CELA1: variants seen among roughly 807,000 people sequenced by gnomAD.
CELA1 encodes chymotrypsin-like elastase family member 1.
In CELA1, 28 loss-of-function variants were observed where a neutral mutation model predicts 34.8. That is an observed-to-expected ratio of 0.80 (90% CI 0.60 to 1.10). The LOEUF (loss-of-function observed/expected upper bound fraction) is 1.10, where lower values mean the gene tolerates loss of function less well. CELA1 is among the 50% of genes least tolerant of loss of function. The pLI, the probability that CELA1 is intolerant of heterozygous loss-of-function variation, is 0.00. For missense variants in CELA1, 288 were observed against 327.5 expected (o/e 0.88, Z 0.93); for synonymous variants, 140 against 129.8 (o/e 1.08, Z -0.53).
At chr12:51,346,486 C>T in intron 1 of CELA1, 137 bp downstream of exon 1, 2 of 778,614 alleles carry the variant, frequency 2.6e-6, no homozygotes, top group Non-Finnish European at 4.3e-6. Context: ...TCCCACCTGC[C>T]CTGGGACAGG....
In CELA1 at chr12:51,340,054, A is replaced by G. The variant is rs748926171; in HGVS notation, c.464-49T>C. The G allele has an allele frequency of 3.3e-5, 52 of 1,562,064 alleles. 3 individuals are homozygous for G. The Middle Eastern group carries it at 7.0e-3, about 209-fold the overall frequency. On this transcript the variant is annotated intron_variant, in intron 5 of 7. Transcript: ENST00000293636. ...CAGTCAGCTCCAGATGTGGTCCAGC[A>G]GAAAAACCTTCCACCCCTGCCACAC... is the stretch of plus-strand genomic sequence containing the variant.
In CELA1 at chr12:51,329,780, A is replaced by G; in HGVS notation, c.663T>C (p.His221=). The part of the protein sequence containing the change: ...HCLVNGKYSV[H]GVTSFVSSRG... Reference sequence around the variant, plus strand: ...GGCTGGACACAAAGCTGGTCACTCCATGGACAGAATACTTGCCATTCACCA... The same window carrying G: ...GGCTGGACACAAAGCTGGTCACTCCGTGGACAGAATACTTGCCATTCACCA... The change falls in exon 7 of 8, where the codon CAT becomes CAC. Residue 221 remains histidine (H), a synonymous_variant. Transcript: ENST00000293636. The G allele has an allele frequency of 6.2e-7, 1 of 1,613,748 alleles. No individual in the cohort carries two copies. Among genetic ancestry groups the G allele is most frequent in the Non-Finnish European group, 8.5e-7 (1 of 1,179,916 alleles).
chr12:51,328,712 G>T, intron 7 of CELA1, 118 bp from the exon 8 acceptor site: 3 of 1,120,310 alleles, frequency 2.7e-6, no homozygotes, highest in South Asian at 1.3e-5. Context: ...TTGACAGGGT[G>T]TGGGGACAGG....
At chr12:51,329,545 G>A in intron 7 of CELA1, 139 bp downstream of exon 7, 1 of 882,538 alleles carries the variant, frequency 1.1e-6, no homozygotes, top group Non-Finnish European at 1.7e-6. Context: ...CACCGTGGAA[G>A]GAAGGGAAGG....
At chr12:51,343,687 C>T (rs1946550685) in intron 3 of CELA1, 66 bp downstream of exon 3, 1 of 969,210 alleles carries the variant, frequency 1.0e-6, no homozygotes, top group African/African-American at 1.6e-5. Context: ...AAATTATATC[C>T]TCTTTCAGAA....
rs17860313 is a variant in CELA1, at chr12:51,341,360, C to T, written c.347G>A (p.Arg116His). 7.2e-4 allele frequency: 1,167 copies of T among 1,614,158 alleles called. 12 individuals carry two copies. In the South Asian group the frequency reaches 0.012, roughly 16 times the overall value. Residue 116 changes from arginine (R) to histidine (H), a missense_variant, in exon 5 of 8, where the codon CGC becomes CAC. Arg to His is a conservative substitution (Grantham distance 29). Transcript: ENST00000293636. ...ATTGAGGGTAACGCTCTGGGCCAGG[C>T]GCAGCAGGGCGATGTCATAGCTGCA... The part of the protein sequence containing the change: ...VAAGYDIALL[R>H]LAQSVTLNSY...
intron 1 of CELA1, 134 bp downstream of exon 1, chr12:51,346,489 G>A (rs1946565528): frequency 2.5e-6 from 2 of 795,282 alleles, no homozygotes; most frequent in African/African-American, 1.7e-5. Flanking sequence ...CACCTGCCCT[G>A]GGACAGGGTG....
chr12:51,335,311 C>T (rs923383432), intron 6 of CELA1, among the ~76,000 whole-genome samples: 6 of 152,174 alleles, frequency 3.9e-5, no homozygotes, highest in East Asian at 3.9e-4. Context: ...GGCTGGAGTG[C>T]GGTGGTGCGA....
Position 51,343,637 on chromosome 12 carries a change from A to G in CELA1, c.200+116T>C. 3 of 650,628 alleles carry G rather than the reference A, an allele frequency of 4.6e-6. No individual in the cohort carries two copies. In the East Asian group the frequency reaches 8.3e-5, roughly 18 times the overall value. 40.3% of individuals were successfully genotyped at this position (650,628 alleles called of 1,614,324 possible). A position where few individuals can be genotyped will look rare whatever the true frequency, so the allele number is the denominator to read the frequency against. ...CCCTGCAGGCCCTGAACAGGAAAGGAGCCACTGCCCAGTCCCTGAAGTGCT... is the reference window on the plus strand; with the variant it reads ...CCCTGCAGGCCCTGAACAGGAAAGGGGCCACTGCCCAGTCCCTGAAGTGCT... On this transcript the variant is annotated intron_variant, in intron 3 of 7. Coordinates refer to ENST00000293636, the MANE Select transcript of CELA1 (RefSeq NM_001971.6).
chr12:51,343,689 C>T, intron 3 of CELA1, 64 bp downstream of exon 3: 1 of 990,894 alleles, frequency 1.0e-6, no homozygotes, highest in Non-Finnish European at 1.6e-6. Flanking sequence ...ATTATATCCT[C>T]TTTCAGAAGG....
At position 51,328,502 on chromosome 12, in the gene CELA1, T is replaced by C. The variant is rs1035464739; in HGVS notation, c.*75A>G. 1.3e-5 allele frequency: 18 copies of C among 1,439,214 alleles called. No individual in the cohort carries two copies. Among genetic ancestry groups the C allele is most frequent in the Middle Eastern group, 1.8e-4 (1 of 5,680 alleles). The allele number at this position is 1,439,214 out of a possible 1,614,324, so 89.2% of individuals were successfully genotyped here. A position where few individuals can be genotyped will look rare whatever the true frequency, so the allele number is the denominator to read the frequency against. ...TGGCTCAATAGTCTTTCAGAATGTG[T>C]TTTACTTTTTGATCGCAAGTCCTAC... is the stretch of plus-strand genomic sequence containing the variant. On this transcript the variant is annotated 3_prime_UTR_variant, in exon 8 of 8. Transcript: ENST00000293636.
At chr12:51,336,541 C>T (rs568452840) in intron 6 of CELA1, among the ~76,000 whole-genome samples, 54 of 152,278 alleles carry the variant, frequency 3.5e-4, no homozygotes, top group African/African-American at 1.3e-3. Flanking sequence ...GTAGTAGAAT[C>T]ACTTGAGCCC....
chr12:51,346,529 C>T, intron 1 of CELA1, 94 bp downstream of exon 1: 1 of 1,256,660 alleles, frequency 8.0e-7, no homozygotes, highest in Non-Finnish European at 1.1e-6. Context: ...AATTTGCTGA[C>T]CTTCCTGCCC....
chr12:51,338,255 TACACAC>T (rs758082342), intron 6 of CELA1, among the ~76,000 whole-genome samples: 15 of 116,854 alleles, frequency 1.3e-4, no homozygotes, highest in African/African-American at 2.3e-4. Context: ...AAAAAAAACA[TACACAC>T]ACACACACAC....
At chr12:51,338,283 CACACATACACAT>C (rs1463672963) in intron 6 of CELA1, among the ~76,000 whole-genome samples, 4 of 127,142 alleles carry the variant, frequency 3.1e-5, no homozygotes, top group South Asian at 2.4e-4. Context: ...CACACACACA[CACACATACACAT>C]ACGCATACAT....
rs17860338 is a variant in CELA1 at position 51,334,635 on chromosome 12, C to T, written c.610-4802G>A. Among the ~76,000 whole-genome samples, 543 of 152,206 alleles carry T rather than the reference C, an allele frequency of 3.6e-3. 5 individuals carry two copies. Among genetic ancestry groups the T allele is most frequent in the African/African-American group, 0.013 (522 of 41,532 alleles). On this transcript the variant is annotated intron_variant, in intron 6 of 7. Transcript: ENST00000293636. ...ATTTTTAGTAGAGACGGGGTTTCAC[C>T]GTGTTAGCCAGGATGGTCTCGATCT...
chr12:51,335,227 C>G (rs1001083921), intron 6 of CELA1, among the ~76,000 whole-genome samples: 1 of 152,080 alleles, frequency 6.6e-6, no homozygotes, highest in African/African-American at 2.4e-5. Flanking sequence ...CTACAGGATT[C>G]TTTCCTCTCT....
At chr12:51,338,466 C>T (rs1042174187) in intron 6 of CELA1, among the ~76,000 whole-genome samples, 1 of 152,046 alleles carries the variant, frequency 6.6e-6, no homozygotes, top group Non-Finnish European at 1.5e-5. Context: ...TAGGTTGTTT[C>T]TTGGCCCCCT....
intron 6 of CELA1, among the ~76,000 whole-genome samples, chr12:51,331,750 C>T (rs1946471006): frequency 6.6e-6 from 1 of 152,136 alleles, no homozygotes; most frequent in South Asian, 2.1e-4. Context: ...CCACATAGAC[C>T]ACTAGGTCAA....
Sources: gnomAD v4.1 joint callset for allele counts (sites outside exome capture counted in the v4.1 genomes callset) on GRCh38, gnomAD v4.1.1 for gene constraint, MANE v1.5 for transcripts, NCBI Gene and HGNC (gene_info 2026-07-23, HGNC 2026-07-21) for gene names.